DOP1B: variants seen among roughly 807,000 people sequenced by gnomAD.
DOP1B encodes the protein DOP1 leucine zipper like protein B, also known as protein DOP1B.
Under a neutral mutation model 233.5 loss-of-function variants are expected in DOP1B, and 174 were observed. That is an observed-to-expected ratio of 0.75 (90% CI 0.66 to 0.85). The LOEUF (loss-of-function observed/expected upper bound fraction) is 0.85, where lower values mean the gene tolerates loss of function less well. Ranked by LOEUF, DOP1B falls within the 40% of genes least tolerant of loss-of-function variation. The pLI is 0.00. For missense variants in DOP1B, 2,652 were observed against 2,846.6 expected, an observed-to-expected ratio of 0.93 and a Z score of 1.56; for synonymous variants, 1,190 against 1,185.6, an observed-to-expected ratio of 1.00 and a Z score of -0.08.
At chr21:36,290,322 C>T (rs567948404) in intron 35 of DOP1B, among the ~76,000 whole-genome samples, 15 of 152,034 alleles carry the variant, frequency 9.9e-5, no homozygotes, top group East Asian at 9.7e-4. Context: ...GTTGGGAGTT[C>T]GAGACCAGCC....
chr21:36,222,701 C>G (rs2123521552), intron 10 of DOP1B, among the ~76,000 whole-genome samples: 1 of 151,932 alleles, frequency 6.6e-6, no homozygotes, highest in East Asian at 1.9e-4. Flanking sequence ...TGTACAAATT[C>G]TTTTTACAGT....
At chr21:36,267,869 G>A (rs1035167969) in intron 26 of DOP1B, among the ~76,000 whole-genome samples, 2 of 151,990 alleles carry the variant, frequency 1.3e-5, no homozygotes, top group South Asian at 4.2e-4. Context: ...AAAAGGGGAG[G>A]GGGTGTAAGA....
chr21:36,225,535 A>G (rs781402818), intron 11 of DOP1B, 30 bp from the exon 12 acceptor site: 5 of 1,612,750 alleles, frequency 3.1e-6, no homozygotes, highest in Non-Finnish European at 4.2e-6. Context: ...CTGGCCAAAG[A>G]ATGGATTTTT....
intron 2 of DOP1B, chr21:36,169,146 T>A (rs943461027): frequency 1.1e-6 from 1 of 946,294 alleles, no homozygotes; most frequent in African/African-American, 1.6e-5. Flanking sequence ...GTGCAGAGAA[T>A]GAGCACTCGC....
chr21:36,199,543 C>T (rs1360676843), intron 3 of DOP1B, among the ~76,000 whole-genome samples: 2 of 152,040 alleles, frequency 1.3e-5, no homozygotes, highest in Non-Finnish European at 2.9e-5. Context: ...CCCATTAACT[C>T]GTCATTTACA....
chr21:36,208,567 T>C (rs1601412542), intron 4 of DOP1B, 148 bp from the exon 5 acceptor site: 3 of 772,456 alleles, frequency 3.9e-6, no homozygotes, highest in Admixed American at 6.1e-5. Flanking sequence ...GGGTGAGAGA[T>C]GGCAGCGGCT....
chr21:36,245,082 C>A lies in DOP1B; in HGVS notation c.3102C>A (p.Thr1034=), dbSNP rs141620981. Residue 1034 remains threonine, a synonymous_variant, in exon 19 of 37, where the codon ACC becomes ACA. Coordinates refer to ENST00000691173, the MANE Select transcript of DOP1B (RefSeq NM_001320714.2). The surrounding 1 kb of genome is among the most constrained non-coding windows in gnomAD (Gnocchi z 5.5). ...ACCGTTGGTTTAACAGGAAGAAAAC[C>A]TCTTTCAGAGAGGCATGCGCAGTGC... ...DLHRWFNRKK[T]SFREACAVPE... 2.0e-5 allele frequency: 32 copies of A among 1,600,130 alleles called. No individual in the cohort carries two copies. The highest frequency in any genetic ancestry group is 2.7e-5 in the Non-Finnish European group (31 of 1,168,912).
Position 36,214,465 on chromosome 21 carries a change from G to C in DOP1B, c.1038G>C (p.Gln346His). ...LVEGLAEILH[Q>H]KFIDADVEER... is the part of the protein sequence containing the mutation. ...AGGGTTTGGCTGAGATATTGCATCA[G>C]AAGTTCATAGATGCTGACGTGGAGG... The change falls in exon 9 of 37, where the codon CAG (glutamine) becomes CAC (histidine). Residue 346 changes from glutamine (Q) to histidine (H), a missense_variant. Around this residue, in one of 3 missense-constraint regions of DOP1B, gnomAD observed 2,617 missense variants for 2,794.3 expected, o/e 0.94. Coordinates refer to ENST00000691173, the MANE Select transcript of DOP1B (RefSeq NM_001320714.2). 2 of 1,613,318 alleles carry C rather than the reference G, an allele frequency of 1.2e-6. No individual in the cohort carries two copies. Among genetic ancestry groups the C allele is most frequent in the Non-Finnish European group, 1.7e-6 (2 of 1,179,858 alleles).
intron 2 of DOP1B, among the ~76,000 whole-genome samples, chr21:36,179,704 C>T (rs1256507515): frequency 6.6e-6 from 1 of 151,946 alleles, no homozygotes; most frequent in Non-Finnish European, 1.5e-5. Context: ...AAAGGACAGG[C>T]GAACAGTTTA....
chr21:36,239,928 C>T lies in DOP1B; in HGVS notation c.3040C>T (p.His1014Tyr), dbSNP rs1244699013. ...LQPKTQRTSI[H>Y]CLKQENSADD... ...GCCAAAAACCCAGAGAACCTCCATC[C>T]ACTGCCTCAAGCAGGAGAACTCGGC... The change falls in exon 18 of 37, where the codon CAC becomes TAC. Residue 1014 changes from histidine to tyrosine, a missense_variant. Physicochemically the swap from His to Tyr is moderately conservative, Grantham distance 83 (BLOSUM62 2). Coordinates refer to ENST00000691173, the MANE Select transcript of DOP1B (RefSeq NM_001320714.2). 4 of 1,610,644 alleles carry T rather than the reference C, an allele frequency of 2.5e-6. No homozygotes were observed. Among genetic ancestry groups the T allele is most frequent in the South Asian group, 1.1e-5 (1 of 90,758 alleles).
chr21:36,292,496 G>A (rs1470135810), intron 36 of DOP1B, among the ~76,000 whole-genome samples: 3 of 151,706 alleles, frequency 2.0e-5, no homozygotes, highest in Admixed American at 2.0e-4. Context: ...ACAACCTCAG[G>A]TCACTGCAAC....
chr21:36,221,134 G>A (rs1166738962), intron 10 of DOP1B, among the ~76,000 whole-genome samples: 2 of 151,608 alleles, frequency 1.3e-5, no homozygotes, highest in Non-Finnish European at 2.9e-5. Flanking sequence ...TAAAATGCAA[G>A]TTGTGAGTAG....
chr21:36,270,422 A>G (rs2067274533), intron 27 of DOP1B, among the ~76,000 whole-genome samples: 1 of 151,398 alleles, frequency 6.6e-6, no homozygotes, highest in Admixed American at 6.6e-5. Context: ...GCACAGTGGT[A>G]AGCACCTGTG....
At chr21:36,189,730 G>A (rs1301413351) in intron 2 of DOP1B, among the ~76,000 whole-genome samples, 9 of 151,526 alleles carry the variant, frequency 5.9e-5, no homozygotes, top group African/African-American at 1.7e-4. Context: ...GGGATTTTGG[G>A]TTAGGCACAG....
At chr21:36,232,636 A>G (rs1440883617) in intron 14 of DOP1B, among the ~76,000 whole-genome samples, 168 bp from the exon 15 acceptor site, 1 of 152,142 alleles carries the variant, frequency 6.6e-6, no homozygotes, top group Non-Finnish European at 1.5e-5. Flanking sequence ...TACCTCTGTA[A>G]GGACCTTATT....
At position 36,270,064 on chromosome 21, in the gene DOP1B, T is replaced by C. The variant is rs564387030; in HGVS notation, c.5539T>C (p.Leu1847=). 3.7e-6 allele frequency: 6 copies of C among 1,614,112 alleles called. No homozygotes were observed. In the East Asian group the frequency reaches 1.3e-4, roughly 36 times the overall value. ...TGTGGGGAACATTGCCGGCTCTTCC[T>C]TGGAGCAAACCAGCTGGCTAAGCAG... ...EAVGNIAGSS[L]EQTSWLSRNL... The change falls in exon 27 of 37, where the codon TTG becomes CTG. Residue 1847 remains leucine (L), a synonymous_variant. Coordinates refer to ENST00000691173, the MANE Select transcript of DOP1B (RefSeq NM_001320714.2).
chr21:36,180,398 A>T (rs1004039454), intron 2 of DOP1B, among the ~76,000 whole-genome samples: 1 of 151,614 alleles, frequency 6.6e-6, no homozygotes, highest in African/African-American at 2.4e-5. Flanking sequence ...GTGAAACCTC[A>T]TCTTTACCAA....
intron 2 of DOP1B, among the ~76,000 whole-genome samples, chr21:36,168,428 T>C (rs1438091055): frequency 1.3e-5 from 2 of 152,182 alleles, no homozygotes; most frequent in East Asian, 3.8e-4. Flanking sequence ...TTTAACTTAC[T>C]GAGGAGCCAC....
chr21:36,169,853 T>G (rs986071069), intron 2 of DOP1B: 1 of 885,598 alleles, frequency 1.1e-6, no homozygotes. Flanking sequence ...TCATCGTTGA[T>G]GTGCTCAGCA....
Sources: allele counts gnomAD v4.1 joint callset (sites outside exome capture counted in the v4.1 genomes callset), GRCh38; gene constraint gnomAD v4.1.1; regional missense constraint gnomAD v4.1.1; non-coding constraint Gnocchi (gnomAD v3.1); transcripts MANE v1.5; gene names NCBI Gene and HGNC (gene_info 2026-07-23, HGNC 2026-07-21).